RASA3: variants seen among roughly 807,000 people sequenced by gnomAD.
RASA3 encodes the protein ras GTPase-activating protein 3.
A neutral mutation model predicts 110.0 loss-of-function variants in RASA3; 73 were observed. The observed-to-expected ratio is 0.66, with a 90% CI of 0.55 to 0.81. The LOEUF is 0.81. Ranked by LOEUF, RASA3 falls within the 30% of genes least tolerant of loss-of-function variation. RASA3 has a pLI of 0.00. For synonymous variants in RASA3, 500 were observed against 451.4 expected, an observed-to-expected ratio of 1.11 and a Z score of -1.37; for missense variants, 976 against 1,113.2, an observed-to-expected ratio of 0.88 and a Z score of 1.75.
In RASA3 at chr13:113,979,292, G is replaced by A. The variant is rs2052849819; in HGVS notation, c.*55C>T. 2.0e-6 allele frequency: 3 copies of A among 1,472,326 alleles called. No homozygotes were observed. The highest frequency in any genetic ancestry group is 2.9e-6 in the Non-Finnish European group (3 of 1,052,188). The allele number at this position is 1,472,326 out of a possible 1,614,324, so 91.2% of individuals were successfully genotyped here. A position where few individuals can be genotyped will look rare whatever the true frequency, so the allele number is the denominator to read the frequency against. Reference sequence around the variant, plus strand: ...TCTTCCTTCTCTTCTCCCTCCCAAAGGCTGCGGCTTTGCATGGGCAGCTTG... The same window carrying A: ...TCTTCCTTCTCTTCTCCCTCCCAAAAGCTGCGGCTTTGCATGGGCAGCTTG... On this transcript the variant is annotated 3_prime_UTR_variant, in exon 24 of 24. Coordinates refer to ENST00000334062, the MANE Select transcript of RASA3 (RefSeq NM_007368.4).
Position 114,011,086 on chromosome 13 carries a change from T to G in RASA3, c.1590+85A>C. 8.2e-7 allele frequency: 1 copy of G among 1,218,600 alleles called. No homozygotes were observed. The highest frequency in any genetic ancestry group is 1.2e-6 in the Non-Finnish European group (1 of 837,414). The allele number at this position is 1,218,600 out of a possible 1,614,324, so 75.5% of individuals were successfully genotyped here. ...ATCTTTATCTTACGACTCTCTCAAA[T>G]GTGGGAGGTTTTTCACGTGTATTTT... On this transcript the variant is annotated intron_variant, in intron 16 of 23. Coordinates refer to ENST00000334062, the MANE Select transcript of RASA3 (RefSeq NM_007368.4). The surrounding 1 kb of genome is among the most constrained non-coding windows in gnomAD (Gnocchi z 4.8).
chr13:114,013,501 CT>C (rs2053691743), intron 14 of RASA3, among the ~76,000 whole-genome samples: 3 of 146,640 alleles, frequency 2.0e-5, no homozygotes, highest in South Asian at 4.5e-4. Context: ...CTCTCTCTCT[CT>C]CCCTCTATTT....
intron 22 of RASA3, among the ~76,000 whole-genome samples, chr13:113,982,722 G>C (rs1332266285): frequency 1.3e-5 from 2 of 152,262 alleles, no homozygotes; most frequent in African/African-American, 4.8e-5. Flanking sequence ...TCAAGGGATG[G>C]CATCAGGAGA....
chr13:114,023,064 C>T (rs564025307), intron 8 of RASA3, among the ~76,000 whole-genome samples: 2 of 152,356 alleles, frequency 1.3e-5, no homozygotes, highest in Admixed American at 6.5e-5. Flanking sequence ...CACAAAACCA[C>T]GCCTCCCAGC....
intron 4 of RASA3, among the ~76,000 whole-genome samples, chr13:114,038,434 G>A (rs967059329): frequency 1.3e-5 from 2 of 152,262 alleles, no homozygotes; most frequent in Non-Finnish European, 2.9e-5. Context: ...CAGCACGTGT[G>A]GGTTCCCCAG....
intron 1 of RASA3, among the ~76,000 whole-genome samples, chr13:114,121,937 C>T (rs748427280): frequency 2.6e-5 from 4 of 152,256 alleles, no homozygotes; most frequent in East Asian, 1.9e-4. Flanking sequence ...CCTGCTCCCA[C>T]TGTCACTGCA....
chr13:114,018,370 A>G, intron 10 of RASA3, 118 bp from the exon 11 acceptor site: 1 of 1,292,110 alleles, frequency 7.7e-7, no homozygotes. Flanking sequence ...TTGCTGAGAC[A>G]GAAACACACA....
Position 114,115,521 on chromosome 13 carries a change from G to A in RASA3, c.55+16914C>T, listed in dbSNP as rs970640877. ...TTAATACTCACTTCCTGTCGCAAGA[G>A]ACTCATGCCCTAGAGATAAAGCCGT... On this transcript the variant is annotated intron_variant, in intron 1 of 23. Transcript: ENST00000334062. This position sits in a 1 kb window ranked among gnomAD's most constrained non-coding sequence, Gnocchi z 5.0. Among the ~76,000 whole-genome samples, 6 of 152,256 alleles carry A rather than the reference G, an allele frequency of 3.9e-5. No individual in the cohort carries two copies. Among genetic ancestry groups the A allele is most frequent in the African/African-American group, 1.2e-4 (5 of 41,464 alleles).
intron 14 of RASA3, among the ~76,000 whole-genome samples, 178 bp downstream of exon 14, chr13:114,015,031 T>A (rs1048403466): frequency 1.3e-5 from 2 of 152,018 alleles, no homozygotes; most frequent in African/African-American, 4.8e-5. Context: ...ACTGCGGTTG[T>A]GAACTAGGGA....
In RASA3 at chr13:114,056,310, G is replaced by C; in HGVS notation, c.174-4155C>G. 6.1e-6 allele frequency: 2 copies of C among 330,264 alleles called. No homozygotes were observed. The highest frequency in any genetic ancestry group is 8.7e-6 in the Non-Finnish European group (2 of 230,836). 20.5% of individuals were successfully genotyped at this position (330,264 alleles called of 1,614,324 possible). A position where few individuals can be genotyped will look rare whatever the true frequency, so the allele number is the denominator to read the frequency against. ...TGGTGCGTGTCCGGTGCGTGGTGAG[G>C]GGCGGTGAGATGAGGATGCCAGCGC... On this transcript the variant is annotated intron_variant, in intron 2 of 23. Coordinates refer to ENST00000334062, the MANE Select transcript of RASA3 (RefSeq NM_007368.4). The surrounding 1 kb of genome is among the most constrained non-coding windows in gnomAD (Gnocchi z 5.7).
Position 114,029,792 on chromosome 13 carries a change from T to C in RASA3, c.449+19A>G, listed in dbSNP as rs749369070. On this transcript the variant is annotated intron_variant, in intron 5 of 23. Coordinates refer to ENST00000334062, the MANE Select transcript of RASA3 (RefSeq NM_007368.4). ...TGCCACTCGCTGTGCGCTCGGTCTC[T>C]AGTGAGGACGTGTCTTACCGTGTGG... 1.6e-5 allele frequency: 26 copies of C among 1,584,558 alleles called. No homozygotes were observed. The highest frequency in any genetic ancestry group is 2.7e-5 in the African/African-American group (2 of 74,162).
At chr13:114,016,845 G>A (rs954079377) in intron 12 of RASA3, among the ~76,000 whole-genome samples, 23 of 152,326 alleles carry the variant, frequency 1.5e-4, no homozygotes, top group Admixed American at 2.6e-4. Context: ...GGTCAGGTGA[G>A]GAGTGGGTGT....
chr13:114,047,748 A>AG (rs1452789820), intron 3 of RASA3, among the ~76,000 whole-genome samples: 1 of 152,254 alleles, frequency 6.6e-6, no homozygotes, highest in African/African-American at 2.4e-5. Flanking sequence ...GCGCGGGACC[A>AG]GCGCAGTGGC....
At chr13:114,037,400 C>T (rs2054298682) in intron 4 of RASA3, among the ~76,000 whole-genome samples, 1 of 152,122 alleles carries the variant, frequency 6.6e-6, no homozygotes, top group Non-Finnish European at 1.5e-5. Flanking sequence ...GCGACATTAG[C>T]CTCAGAAAGA....
At chr13:114,037,308 C>T (rs926519589) in intron 4 of RASA3, among the ~76,000 whole-genome samples, 1 of 152,206 alleles carries the variant, frequency 6.6e-6, no homozygotes, top group African/African-American at 2.4e-5. Context: ...CAACAGCACA[C>T]GCTTCGCACC....
chr13:114,070,437 C>T (rs919663043), intron 2 of RASA3, among the ~76,000 whole-genome samples: 1 of 152,098 alleles, frequency 6.6e-6, no homozygotes, highest in Admixed American at 6.5e-5. Flanking sequence ...ACAGATGTAG[C>T]GTGGATTCCA....
intron 1 of RASA3, among the ~76,000 whole-genome samples, chr13:114,078,999 G>A (rs753505890): frequency 1.3e-5 from 2 of 152,224 alleles, no homozygotes; most frequent in African/African-American, 2.4e-5. Context: ...GCCCTCAGGC[G>A]GGGCTGGCCT....
intron 3 of RASA3, among the ~76,000 whole-genome samples, chr13:114,047,379 TAGAGA>T (rs1184933614): frequency 2.0e-5 from 3 of 152,166 alleles, no homozygotes; most frequent in African/African-American, 7.2e-5. Context: ...AAACGGTAAC[TAGAGA>T]ATAAAAACTC....
At chr13:114,079,062 C>T (rs950092191) in intron 1 of RASA3, among the ~76,000 whole-genome samples, 1 of 152,242 alleles carries the variant, frequency 6.6e-6, no homozygotes, top group Non-Finnish European at 1.5e-5. Context: ...AGCAGCTCAG[C>T]TCAGCGCCCA....
Sources: gnomAD v4.1 joint callset for allele counts (sites outside exome capture counted in the v4.1 genomes callset) on GRCh38, gnomAD v4.1.1 for gene constraint, Gnocchi (gnomAD v3.1) non-coding constraint, MANE v1.5 for transcripts, NCBI Gene and HGNC (gene_info 2026-07-23, HGNC 2026-07-21) for gene names.